The following SGCZ variants were observed in gnomAD, a reference collection of about 807,000 sequenced individuals.
The protein encoded by SGCZ is sarcoglycan zeta, also known as zeta-sarcoglycan.
SGCZ carries 40 observed loss-of-function variants against 41.3 expected under a neutral mutation model. The observed-to-expected ratio is 0.97, with a 90% CI of 0.75 to 1.26. The LOEUF is 1.26. Among genes scored for constraint, SGCZ ranks in the 50% most tolerant of loss-of-function variants. The pLI is 0.00. For synonymous variants in SGCZ, 206 were observed against 137.5 expected (o/e 1.50, Z -3.49); for missense variants, 552 against 369.8 (o/e 1.49, Z -4.04).
At chr8:15,074,952 G>A (rs950148883) in intron 1 of SGCZ, among the ~76,000 whole-genome samples, 4 of 152,076 alleles carry the variant, frequency 2.6e-5, no homozygotes, top group Non-Finnish European at 4.4e-5. Flanking sequence ...AGTATCCTCA[G>A]CTAGACGGTG....
chr8:14,835,241 G>A (rs1344795544), intron 1 of SGCZ, among the ~76,000 whole-genome samples: 1 of 152,064 alleles, frequency 6.6e-6, no homozygotes, highest in African/African-American at 2.4e-5. Flanking sequence ...AAAGCCTTAG[G>A]CACCTGAAAT....
intron 1 of SGCZ, among the ~76,000 whole-genome samples, chr8:14,650,217 C>T (rs1030889144): frequency 6.6e-6 from 1 of 151,970 alleles, no homozygotes; most frequent in Non-Finnish European, 1.5e-5. Flanking sequence ...ACACTACAGC[C>T]AGCAAATGGA....
chr8:15,236,575 C>T (rs1340907714), intron 1 of SGCZ, among the ~76,000 whole-genome samples: 3 of 152,136 alleles, frequency 2.0e-5, no homozygotes, highest in African/African-American at 4.8e-5. Context: ...CCAGTGTCGC[C>T]CCCTTTCCCG....
chr8:14,347,642 A>G (rs1384858615), intron 2 of SGCZ, among the ~76,000 whole-genome samples: 1 of 151,588 alleles, frequency 6.6e-6, no homozygotes, highest in Non-Finnish European at 1.5e-5. Flanking sequence ...ATACATATAC[A>G]CATAGGTAAA....
chr8:14,497,118 G>C (rs1422344071), intron 2 of SGCZ, among the ~76,000 whole-genome samples: 1 of 152,164 alleles, frequency 6.6e-6, no homozygotes, highest in Non-Finnish European at 1.5e-5. Flanking sequence ...GTCACAATCT[G>C]TCAGGGGTTG....
chr8:14,489,435 A>G (rs1348590783), intron 2 of SGCZ, among the ~76,000 whole-genome samples: 1 of 152,112 alleles, frequency 6.6e-6, no homozygotes, highest in Non-Finnish European at 1.5e-5. Flanking sequence ...AAATAGATTG[A>G]CTTTTTTGCT....
At chr8:14,158,621 C>T (rs998730096) in intron 5 of SGCZ, among the ~76,000 whole-genome samples, 2 of 152,178 alleles carry the variant, frequency 1.3e-5, no homozygotes, top group African/African-American at 4.8e-5. Context: ...ATTTGACTTA[C>T]TGTTACTGGA....
rs183061645 is a variant in SGCZ, at chr8:14,087,288, T to G, written c.*3155A>C. On this transcript the variant is annotated 3_prime_UTR_variant, in exon 8 of 8. Coordinates refer to ENST00000382080, the MANE Select transcript of SGCZ (RefSeq NM_139167.4). The stretch of plus-strand genomic sequence containing the variant: ...ACAAGGGAAGTAGGAAATTTGGAAG[T>G]TTTTGTTGTTCTTGCTGTTTTTTTT... Among the ~76,000 whole-genome samples, 1,050 of 132,506 alleles carry G rather than the reference T, an allele frequency of 7.9e-3. 8 individuals are homozygous for G. The highest frequency in any genetic ancestry group is 0.015 in the Non-Finnish European group (840 of 57,810). 86.9% of individuals were successfully genotyped at this position (132,506 alleles called of 152,430 possible).
chr8:15,154,737 A>G (rs1283487949), intron 1 of SGCZ, among the ~76,000 whole-genome samples: 1 of 152,184 alleles, frequency 6.6e-6, no homozygotes, highest in Non-Finnish European at 1.5e-5. Context: ...TAAACAAAAA[A>G]TGGGAGTATT....
At chr8:14,809,331 A>G (rs1801668904) in intron 1 of SGCZ, among the ~76,000 whole-genome samples, 1 of 152,220 alleles carries the variant, frequency 6.6e-6, no homozygotes, top group Non-Finnish European at 1.5e-5. Context: ...AAGATATGCC[A>G]GGATCATGAT....
At chr8:15,138,379 A>C (rs1473768683) in intron 1 of SGCZ, among the ~76,000 whole-genome samples, 2 of 152,026 alleles carry the variant, frequency 1.3e-5, no homozygotes, top group Non-Finnish European at 2.9e-5. Context: ...GACTGTTGGG[A>C]GGGCATGATT....
At chr8:14,341,225 T>A (rs1248437810) in intron 2 of SGCZ, among the ~76,000 whole-genome samples, 1 of 152,216 alleles carries the variant, frequency 6.6e-6, no homozygotes, top group Non-Finnish European at 1.5e-5. Flanking sequence ...GTGAATAACT[T>A]TGCTATGAAC....
At position 14,313,671 on chromosome 8, in the gene SGCZ, T is replaced by C. The variant is rs549955727; in HGVS notation, c.336+10432A>G. On this transcript the variant is annotated intron_variant, in intron 3 of 7. Transcript: ENST00000382080. ...CTCTTAACACTGGATGACACTGTTA[T>C]ATTAGATTATTTTAAGGAATTTAAA... is the stretch of plus-strand genomic sequence containing the variant. Among the ~76,000 whole-genome samples, 6 of 152,326 alleles carry C rather than the reference T, an allele frequency of 3.9e-5. No homozygotes were observed. The South Asian group carries it at 1.2e-3, about 32-fold the overall frequency.
At chr8:14,394,143 C>CTTTTTTTTTTTTTTTTTT (rs75054512) in intron 2 of SGCZ, among the ~76,000 whole-genome samples, 2 of 117,420 alleles carry the variant, frequency 1.7e-5, no homozygotes, top group Non-Finnish European at 1.7e-5. Flanking sequence ...CGCCCCCCAC[C>CTTTTTTTTTTTTTTTTTT]TTTTTTTTTT....
intron 1 of SGCZ, among the ~76,000 whole-genome samples, chr8:14,647,515 C>T (rs1807261073): frequency 1.3e-5 from 2 of 151,922 alleles, no homozygotes; most frequent in African/African-American, 4.8e-5. Flanking sequence ...TATGTAAAGT[C>T]ACCTTCTCCC....
intron 6 of SGCZ, among the ~76,000 whole-genome samples, chr8:14,105,403 C>CTACT (rs1279868875): frequency 2.6e-5 from 4 of 152,016 alleles, no homozygotes; most frequent in Non-Finnish European, 2.9e-5. Flanking sequence ...GAAAATGTGG[C>CTACT]TACTTACTCC....
chr8:14,749,116 A>G (rs1432942560), intron 1 of SGCZ, among the ~76,000 whole-genome samples: 4 of 152,184 alleles, frequency 2.6e-5, no homozygotes, highest in Non-Finnish European at 5.9e-5. Context: ...ATTAAGTAAT[A>G]TTCAATTTTC....
chr8:14,128,144 AAACTATTTC>A (rs1802922969), intron 5 of SGCZ, among the ~76,000 whole-genome samples: 1 of 152,208 alleles, frequency 6.6e-6, no homozygotes, highest in Non-Finnish European at 1.5e-5. Flanking sequence ...GTGGGAGTGT[AAACTATTTC>A]AACCATTGTG....
chr8:14,752,535 T>C (rs1038440905), intron 1 of SGCZ, among the ~76,000 whole-genome samples: 3 of 152,204 alleles, frequency 2.0e-5, no homozygotes, highest in Non-Finnish European at 2.9e-5. Context: ...TCTAGCCCAA[T>C]TGGTCTATAA....
Sources: gnomAD v4.1 joint callset for allele counts (sites outside exome capture counted in the v4.1 genomes callset) on GRCh38, gnomAD v4.1.1 for gene constraint, MANE v1.5 for transcripts, NCBI Gene and HGNC (gene_info 2026-07-23, HGNC 2026-07-21) for gene names.